The following PLPPR3 variants were observed in gnomAD, a reference collection of about 807,000 sequenced individuals.
The protein encoded by PLPPR3 is phospholipid phosphatase related 3.
In PLPPR3, 14 loss-of-function variants were observed where a neutral mutation model predicts 27.3. The observed-to-expected ratio is 0.51, with a 90% CI of 0.34 to 0.80. PLPPR3 has a LOEUF of 0.80. Ranked by LOEUF, PLPPR3 falls within the 30% of genes least tolerant of loss-of-function variation. The probability of loss-of-function intolerance (pLI) is 0.01; values close to 1 mark genes in which losing one functional copy is unlikely to be tolerated. For synonymous variants in PLPPR3, 671 were observed against 508.0 expected (o/e 1.32, Z -4.32); for missense variants, 1,287 against 1,056.9 (o/e 1.22, Z -3.02).
Position 813,544 on chromosome 19 carries a change from T to C in PLPPR3, c.1183A>G (p.Ile395Val). Residue 395 changes from isoleucine (I) to valine (V), a missense_variant, in exon 8 of 8, where the codon ATC becomes GTC. Coordinates refer to ENST00000520876, the MANE Select transcript of PLPPR3 (RefSeq NM_001270366.2). The surrounding 1 kb of genome is among the most constrained non-coding windows in gnomAD (Gnocchi z 4.1). Reference protein sequence around the residue: ...LDDPARRHMTIHVPLDASRSK... With the variant: ...LDDPARRHMTVHVPLDASRSK... ...CGCGAGGCGTCCAGCGGCACGTGGA[T>C]GGTCATGTGGCGGCGCGCGGGGTCG... The C allele has an allele frequency of 1.3e-6, 2 of 1,562,140 alleles. No homozygotes were observed. The highest frequency in any genetic ancestry group is 1.4e-5 in the African/African-American group (1 of 73,546).
intron 2 of PLPPR3, 79 bp downstream of exon 2, chr19:821,406 C>T (rs1031279198): frequency 3.8e-6 from 5 of 1,329,256 alleles, no homozygotes; most frequent in East Asian, 3.0e-5. Context: ...GCGCCGGCTC[C>T]GGTCCCCCAG....
At chr19:823,450 A>AAAAAAAAAAAAAAAAAC (rs111454578), upstream of PLPPR3, among the ~76,000 whole-genome samples, 5 of 143,880 alleles carry the variant, frequency 3.5e-5, no homozygotes, top group Non-Finnish European at 3.0e-5. Context: ...TCAAAAAAAA[A>AAAAAAAAAAAAAAAAAC]AAAAAAAACA....
intron 2 of PLPPR3, among the ~76,000 whole-genome samples, chr19:819,960 G>C (rs2035121567): frequency 1.3e-5 from 2 of 151,810 alleles, no homozygotes; most frequent in African/African-American, 4.8e-5. Context: ...TCCATCTCAG[G>C]CTCCTATGTA....
intron 2 of PLPPR3, among the ~76,000 whole-genome samples, chr19:820,348 A>C (rs1043439624): frequency 6.6e-6 from 1 of 151,462 alleles, no homozygotes; most frequent in Admixed American, 6.6e-5. Context: ...ACGCCCAACT[A>C]ATATTTTAAT....
At position 812,701 on chromosome 19, in the gene PLPPR3, CCCCATCGGCCGCG is replaced by C. The variant is rs2034950987; in HGVS notation, c.2013_2025del (p.Ala672ArgfsTer66). On this transcript the variant is annotated frameshift_variant, in exon 8 of 8. Coordinates refer to ENST00000520876, the MANE Select transcript of PLPPR3 (RefSeq NM_001270366.2). LOFTEE classifies it low-confidence loss of function (END_TRUNC). ...GACTCCCGGCTGCCCGGGCCCAGCG[CCCCATCGGCCGCG>C]CCCAGCGGGGGCAGCCCCTCGCCCG... 12 of 1,051,328 alleles carry C rather than the reference CCCCATCGGCCGCG, an allele frequency of 1.1e-5. No individual in the cohort carries two copies. The highest frequency in any genetic ancestry group is 1.3e-5 in the Non-Finnish European group (11 of 872,078). The allele number at this position is 1,051,328 out of a possible 1,614,324, so 65.1% of individuals were successfully genotyped here. A position where few individuals can be genotyped will look rare whatever the true frequency, so the allele number is the denominator to read the frequency against.
intron 2 of PLPPR3, among the ~76,000 whole-genome samples, chr19:818,964 A>AC (rs2035105325): frequency 1.7e-5 from 1 of 58,944 alleles, no homozygotes; most frequent in Non-Finnish European, 3.2e-5. Flanking sequence ...CGGCCTTATT[A>AC]TTATTATTTT....
chr19:816,973 A>C, intron 2 of PLPPR3, among the ~76,000 whole-genome samples: 1 of 143,108 alleles, frequency 7.0e-6, no homozygotes. Context: ...TCCATTGATC[A>C]CCCATCCATC....
rs1486948027 is a variant in PLPPR3, at chr19:813,706, G to A, written c.1021C>T (p.Arg341Cys). ...RLEGAPRPVA[R>C]EKTSLGSLKR... is the part of the protein sequence containing the mutation. The stretch of plus-strand genomic sequence containing the variant: ...AGGCTGCCCAGCGAGGTCTTCTCGC[G>A]GGCCACGGGCCGGGGCGCGCCCTCC... Residue 341 changes from arginine to cysteine, a missense_variant, in exon 8 of 8, where the codon CGC becomes TGC. Coordinates refer to ENST00000520876, the MANE Select transcript of PLPPR3 (RefSeq NM_001270366.2). This position sits in a 1 kb window ranked among gnomAD's most constrained non-coding sequence, Gnocchi z 4.1. The A allele has an allele frequency of 2.0e-6, 3 of 1,527,412 alleles. No homozygotes were observed. The highest frequency in any genetic ancestry group is 1.2e-5 in the South Asian group (1 of 83,252). 94.6% of individuals were successfully genotyped at this position (1,527,412 alleles called of 1,614,324 possible).
chr19:813,534 G>T lies in PLPPR3; in HGVS notation c.1193C>A (p.Pro398Gln). The T allele has an allele frequency of 6.4e-7, 1 of 1,562,342 alleles. No homozygotes were observed. The highest frequency in any genetic ancestry group is 1.9e-5 in the Admixed American group (1 of 53,760). Residue 398 changes from proline (P) to glutamine (Q), a missense_variant, in exon 8 of 8, where the codon CCG becomes CAG. By Grantham distance (76) the Pro-to-Gln change is moderately conservative. Transcript: ENST00000520876. The surrounding 1 kb of genome is among the most constrained non-coding windows in gnomAD (Gnocchi z 4.1). ...CTGCTTGGAGCGCGAGGCGTCCAGC[G>T]GCACGTGGATGGTCATGTGGCGGCG... ...PARRHMTIHV[P>Q]LDASRSKQLI...
chr19:813,005 G>A lies in PLPPR3; in HGVS notation c.1722C>T (p.Asp574=). ...SDSSQYRSPS[D]RDSASIVTID... is the part of the protein sequence containing the mutation. ...TGGTCACGATGCTGGCGGAGTCGCGGTCCGACGGCGACCGGTACTGCGAGG... is the reference window on the plus strand; with the variant it reads ...TGGTCACGATGCTGGCGGAGTCGCGATCCGACGGCGACCGGTACTGCGAGG... Residue 574 remains aspartate, a synonymous_variant, in exon 8 of 8, where the codon GAC becomes GAT. Transcript: ENST00000520876. The surrounding 1 kb of genome is among the most constrained non-coding windows in gnomAD (Gnocchi z 4.1). 2 of 1,516,852 alleles carry A rather than the reference G, an allele frequency of 1.3e-6. No individual in the cohort carries two copies. The highest frequency in any genetic ancestry group is 8.8e-7 in the Non-Finnish European group (1 of 1,139,866). The allele number at this position is 1,516,852 out of a possible 1,614,324, so 94.0% of individuals were successfully genotyped here. A position where few individuals can be genotyped will look rare whatever the true frequency, so the allele number is the denominator to read the frequency against.
chr19:815,114 C>T (rs747494882), intron 4 of PLPPR3, 33 bp from the exon 5 acceptor site: 1 of 1,600,632 alleles, frequency 6.2e-7, no homozygotes, highest in South Asian at 1.1e-5. Flanking sequence ...AGGCGGGGAG[C>T]TGGGGACCCG....
chr19:815,678 G>C lies in PLPPR3; in HGVS notation c.249C>G (p.Ala83=). The C allele has an allele frequency of 1.3e-6, 2 of 1,588,952 alleles. No individual in the cohort carries two copies. Among genetic ancestry groups the C allele is most frequent in the Non-Finnish European group, 1.7e-6 (2 of 1,169,222 alleles). Reference sequence around the variant, plus strand: ...TGCAGGTGCTCACCGAGGCGGCAGGGGCCGCGAAGGCCAAGCTGAGCAGCA... The same window carrying C: ...TGCAGGTGCTCACCGAGGCGGCAGGCGCCGCGAAGGCCAAGCTGAGCAGCA... ...LLMLLSLAFA[A]PAASIMVAEG... The change falls in exon 3 of 8, where the codon GCC becomes GCG. Residue 83 remains alanine (A), a synonymous_variant. Coordinates refer to ENST00000520876, the MANE Select transcript of PLPPR3 (RefSeq NM_001270366.2).
At chr19:816,395 T>TCATC (rs2035055521) in intron 2 of PLPPR3, among the ~76,000 whole-genome samples, 1 of 50,660 alleles carries the variant, frequency 2.0e-5, no homozygotes, top group African/African-American at 1.2e-4. Flanking sequence ...CACCCACCCA[T>TCATC]CATCCATCCA....
In PLPPR3 at chr19:812,886, T is replaced by C; in HGVS notation, c.1841A>G (p.Glu614Gly). ...CCCCAGCTCGTAGCCGCCGTCGGCC[T>C]CCGCCTTGGCCCCGCCGCCCGCCGC... Reference protein sequence around the residue: ...WKAAGGGAKAEADGGYELGDL... With the variant: ...WKAAGGGAKAGADGGYELGDL... The change falls in exon 8 of 8, where the codon GAG (glutamate) becomes GGG (glycine). Residue 614 changes from glutamate (E) to glycine (G), a missense_variant. Physicochemically the swap from Glu to Gly is moderately conservative, Grantham distance 98. Coordinates refer to ENST00000520876, the MANE Select transcript of PLPPR3 (RefSeq NM_001270366.2). 8.1e-7 allele frequency: 1 copy of C among 1,238,036 alleles called. No individual in the cohort carries two copies. Among genetic ancestry groups the C allele is most frequent in the Non-Finnish European group, 1.0e-6 (1 of 984,184 alleles). The allele number at this position is 1,238,036 out of a possible 1,614,324, so 76.7% of individuals were successfully genotyped here. A position where few individuals can be genotyped will look rare whatever the true frequency, so the allele number is the denominator to read the frequency against.
In PLPPR3 at chr19:815,170, G is replaced by A. The variant is rs764807898; in HGVS notation, c.403+16C>T. 2.1e-5 allele frequency: 34 copies of A among 1,602,090 alleles called. No homozygotes were observed. The highest frequency in any genetic ancestry group is 2.7e-5 in the African/African-American group (2 of 74,806). ...TGTGGAGGTAGCTCAGGGTCGGGGC[G>A]CGTCCCGCAACTCACCCACAAACCG... On this transcript the variant is annotated intron_variant, in intron 4 of 7. Transcript: ENST00000520876.
At chr19:817,164 G>C (rs1347398188) in intron 2 of PLPPR3, among the ~76,000 whole-genome samples, 1 of 152,108 alleles carries the variant, frequency 6.6e-6, no homozygotes, top group Non-Finnish European at 1.5e-5. Context: ...TTTTAGTAGA[G>C]ACAGGGTATC....
chr19:815,259 G>C lies in PLPPR3; in HGVS notation c.330C>G (p.Ala110=). Residue 110 remains alanine (A), a synonymous_variant, in exon 4 of 8, where the codon GCC becomes GCG. Coordinates refer to ENST00000520876, the MANE Select transcript of PLPPR3 (RefSeq NM_001270366.2). The part of the protein sequence containing the change: ...SRLWGRAGGP[A]GAEGSINAGG... ...CGGCGTTGATGCTGCCCTCCGCCCC[G>C]GCGGGCCCCCCGGCACGGCCCCACA... 1 of 1,568,506 alleles carries C rather than the reference G, an allele frequency of 6.4e-7. No individual in the cohort carries two copies. Among genetic ancestry groups the C allele is most frequent in the Non-Finnish European group, 8.6e-7 (1 of 1,159,664 alleles).
chr19:814,380 C>A, intron 7 of PLPPR3, 54 bp downstream of exon 7: 1 of 1,512,338 alleles, frequency 6.6e-7, no homozygotes, highest in Non-Finnish European at 8.9e-7. Context: ...TCATGCCTCC[C>A]CCCTCAGATC....
At chr19:823,010 T>A (rs2035171512), upstream of PLPPR3, among the ~76,000 whole-genome samples, 1 of 150,074 alleles carries the variant, frequency 6.7e-6, no homozygotes, top group African/African-American at 2.5e-5. Flanking sequence ...TCCCAGCTAC[T>A]CGGGAGGCTG....
Sources: gnomAD v4.1 joint callset for allele counts (sites outside exome capture counted in the v4.1 genomes callset) on GRCh38, gnomAD v4.1.1 for gene constraint, Gnocchi (gnomAD v3.1) non-coding constraint, MANE v1.5 for transcripts, NCBI Gene and HGNC (gene_info 2026-07-23, HGNC 2026-07-21) for gene names.